Variants in PCDHGB3 observed in about 807,000 individuals in gnomAD.
The protein encoded by PCDHGB3 is protocadherin gamma subfamily B, 3.
In PCDHGB3, 40 loss-of-function variants were observed where a neutral mutation model predicts 59.2. The ratio of observed to expected loss-of-function variants is 0.68; its 90% CI spans 0.52 to 0.88. PCDHGB3 has a LOEUF of 0.88. Among genes scored for constraint, PCDHGB3 ranks in the 40% least tolerant of loss-of-function variants. The pLI is 0.00. For synonymous variants in PCDHGB3, 581 were observed against 503.6 expected (o/e 1.15, Z -2.06); for missense variants, 1,309 against 1,187.9 (o/e 1.10, Z -1.50).
chr5:141,383,714 G>T (rs1561598272), intron 1 of PCDHGB3: 3 of 1,613,972 alleles, frequency 1.9e-6, no homozygotes, highest in Middle Eastern at 1.6e-4. Context: ...CTGGACGAGG[G>T]AGTCAATGGG....
chr5:141,384,360 C>T (rs1321195409), intron 1 of PCDHGB3: 2 of 1,613,902 alleles, frequency 1.2e-6, no homozygotes, highest in Non-Finnish European at 1.7e-6. Flanking sequence ...ATGCCCAGAT[C>T]ACTTATTCCT....
rs770235234 is a variant in PCDHGB3 at position 141,422,145 on chromosome 5, G to T, written c.2415+49336G>T. On this transcript the variant is annotated intron_variant, in intron 1 of 3. Coordinates refer to ENST00000576222, the MANE Select transcript of PCDHGB3 (RefSeq NM_018924.5). Reference sequence around the variant, plus strand: ...AAACTGGAGAAGTTCAAGTACGGGGGTCTCTGGATTTTGAAAAATATAGAT... The same window carrying T: ...AAACTGGAGAAGTTCAAGTACGGGGTTCTCTGGATTTTGAAAAATATAGAT... The T allele has an allele frequency of 8.2e-6, 13 of 1,580,608 alleles. No individual in the cohort carries two copies. The African/African-American group carries it at 1.5e-4, about 18-fold the overall frequency.
chr5:141,413,555 T>C (rs1270604020), intron 1 of PCDHGB3: 1 of 1,613,852 alleles, frequency 6.2e-7, no homozygotes. Flanking sequence ...GAAATAGAAG[T>C]AACTGATATC....
intron 1 of PCDHGB3, among the ~76,000 whole-genome samples, chr5:141,373,609 A>G (rs566827138): frequency 6.6e-6 from 1 of 152,384 alleles, no homozygotes; most frequent in South Asian, 2.1e-4. Context: ...TTCAAAATTT[A>G]CAGAAGATTG....
rs757565497 is a variant in PCDHGB3 at position 141,370,731 on chromosome 5, C to A, written c.337C>A (p.Pro113Thr). 4 of 1,613,798 alleles carry A rather than the reference C, an allele frequency of 2.5e-6. No homozygotes were observed. The South Asian group carries it at 3.3e-5, about 13-fold the overall frequency. ...VLEFEMVAEK[P>T]LNFFHVTVLI... ...GGAATTTGAAATGGTTGCTGAAAAG[C>A]CTTTAAACTTTTTTCATGTAACTGT... The change falls in exon 1 of 4, where the codon CCT becomes ACT. Residue 113 changes from proline (P) to threonine (T), a missense_variant. Pro to Thr is a conservative substitution (Grantham distance 38). Coordinates refer to ENST00000576222, the MANE Select transcript of PCDHGB3 (RefSeq NM_018924.5).
intron 1 of PCDHGB3, among the ~76,000 whole-genome samples, chr5:141,488,118 A>G (rs1054356891): frequency 2.7e-4 from 41 of 152,190 alleles, no homozygotes; most frequent in Non-Finnish European, 2.9e-5. Context: ...AAACATAGAG[A>G]CAGCAGAAAG....
At position 141,383,491 on chromosome 5, in the gene PCDHGB3, C is replaced by A. The variant is rs116533786; in HGVS notation, c.2415+10682C>A. ...TAAGTACCCGGAACTGGTGCTGGAG[C>A]GGGTGCTGGACCGGGAGGAAGAGCG... On this transcript the variant is annotated intron_variant, in intron 1 of 3. Transcript: ENST00000576222. 4.5e-4 allele frequency: 731 copies of A among 1,613,114 alleles called. 6 individuals are homozygous for A. In the African/African-American group the frequency reaches 7.9e-3, roughly 17 times the overall value.
At chr5:141,384,839 AGGACCAC>A in intron 1 of PCDHGB3, 1 of 1,613,462 alleles carries the variant, frequency 6.2e-7, no homozygotes, top group East Asian at 2.2e-5. Context: ...GTGGCCGTCC[AGGACCAC>A]GGTCAGCCTC....
At chr5:141,422,166 T>A (rs370704205) in intron 1 of PCDHGB3, 1 of 1,569,256 alleles carries the variant, frequency 6.4e-7, no homozygotes, top group African/African-American at 1.4e-5. Context: ...TTGAAAAATA[T>A]AGATTCTATG....
chr5:141,437,165 T>A (rs62379162), intron 1 of PCDHGB3, among the ~76,000 whole-genome samples: 3,747 of 152,330 alleles, frequency 0.025, 69 homozygotes, highest in Middle Eastern at 0.085. Context: ...TGTTGATTGT[T>A]TTCTGAGACT....
At chr5:141,389,328 A>T in intron 1 of PCDHGB3, 1 of 1,613,972 alleles carries the variant, frequency 6.2e-7, no homozygotes. Flanking sequence ...CTTGGGGCCC[A>T]ACGGCCAAGT....
chr5:141,384,356 A>G, intron 1 of PCDHGB3: 3 of 1,613,862 alleles, frequency 1.9e-6, no homozygotes, highest in Non-Finnish European at 1.7e-6. Flanking sequence ...GATAATGCCC[A>G]GATCACTTAT....
intron 1 of PCDHGB3, chr5:141,393,595 T>C: frequency 6.2e-7 from 1 of 1,613,866 alleles, no homozygotes; most frequent in Non-Finnish European, 8.5e-7. Context: ...GGCACGCGGC[T>C]GCTTACTGTA....
intron 1 of PCDHGB3, chr5:141,416,557 T>C (rs1428283225): frequency 3.9e-5 from 6 of 152,112 alleles, no homozygotes; most frequent in Non-Finnish European, 8.8e-5. Flanking sequence ...CCTGAAACTC[T>C]GAAAACTCTG....
chr5:141,420,065 G>A (rs1253164840), intron 1 of PCDHGB3: 4 of 1,614,018 alleles, frequency 2.5e-6, no homozygotes, highest in Non-Finnish European at 3.4e-6. Flanking sequence ...CTCCAAGTCC[G>A]GACCTGTGGG....
In PCDHGB3 at chr5:141,502,866, CT is replaced by C. The variant is rs549047197; in HGVS notation, c.2475-2513del. Among the ~76,000 whole-genome samples the C allele has an allele frequency of 2.5e-3, 324 of 127,930 alleles. 1 individual carries two copies. Among genetic ancestry groups the C allele is most frequent in the Non-Finnish European group, 3.0e-3 (189 of 62,366 alleles). 83.9% of individuals were successfully genotyped at this position (127,930 alleles called of 152,430 possible). On this transcript the variant is annotated intron_variant, in intron 2 of 3. Transcript: ENST00000576222. ...GAGCTGCCTAACCCTGACTCTCTGT[CT>C]TTTTTTTTTTTTTGACAGGGAGTCT...
intron 1 of PCDHGB3, chr5:141,384,588 G>C: frequency 1.2e-6 from 2 of 1,614,242 alleles, no homozygotes; most frequent in Middle Eastern, 1.6e-4. Context: ...CCGAGATCCT[G>C]TACCCGGCCC....
intron 1 of PCDHGB3, chr5:141,378,992 A>G (rs1300045216): frequency 6.6e-6 from 1 of 152,246 alleles, no homozygotes; most frequent in Non-Finnish European, 1.5e-5. Flanking sequence ...ACTACATTAT[A>G]GTCAAGATTT....
intron 1 of PCDHGB3, among the ~76,000 whole-genome samples, chr5:141,454,658 G>A (rs961640658): frequency 7.2e-5 from 11 of 151,812 alleles, no homozygotes; most frequent in Admixed American, 6.6e-5. Context: ...TGCCCACCTC[G>A]GCCTCCCAAA....
Sources: allele counts gnomAD v4.1 joint callset (sites outside exome capture counted in the v4.1 genomes callset), GRCh38; gene constraint gnomAD v4.1.1; transcripts MANE v1.5; gene names NCBI Gene and HGNC (gene_info 2026-07-23, HGNC 2026-07-21).